Variants in PSD2 observed in about 807,000 individuals in gnomAD.
PSD2 encodes PH and SEC7 domain-containing protein 2.
A neutral mutation model predicts 69.8 loss-of-function variants in PSD2; 38 were observed. That is an observed-to-expected ratio of 0.54 (90% CI 0.42 to 0.71). The LOEUF is 0.71. Ranked by LOEUF, PSD2 falls within the 30% of genes least tolerant of loss-of-function variation. PSD2 has a pLI of 0.00. For synonymous variants in PSD2, 412 were observed against 423.0 expected, an observed-to-expected ratio of 0.97 and a Z score of 0.32; for missense variants, 943 against 1,014.5, an observed-to-expected ratio of 0.93 and a Z score of 0.96.
the PSD2 span, among the ~76,000 whole-genome samples, chr5:139,757,413 A>G: frequency 3.3e-5 from 5 of 152,182 alleles, no homozygotes; most frequent in African/African-American, 1.2e-4. Flanking sequence ...GAACGTAGCA[A>G]AGGGTGTTTT....
intron 7 of PSD2, among the ~76,000 whole-genome samples, chr5:139,824,586 T>C (rs1393966953): frequency 6.6e-6 from 1 of 152,000 alleles, no homozygotes; most frequent in African/African-American, 2.4e-5. Context: ...TTAGTAGAGA[T>C]GTCTCTCTCT....
chr5:139,825,286 G>A (rs998666005), intron 7 of PSD2, among the ~76,000 whole-genome samples: 7 of 152,232 alleles, frequency 4.6e-5, no homozygotes, highest in Admixed American at 2.0e-4. Context: ...CTAGGACCAC[G>A]CATTTCAGGC....
the PSD2 span, among the ~76,000 whole-genome samples, chr5:139,778,944 AC>A: frequency 1.5e-4 from 21 of 144,330 alleles, no homozygotes; most frequent in Middle Eastern, 6.9e-3. Context: ...AAGAAAAAAA[AC>A]AAAAAAAAAA....
rs1268434311 is a variant in PSD2, at chr5:139,839,253, G to A, written c.1968+481G>A. Among the ~76,000 whole-genome samples the A allele has an allele frequency of 1.3e-5, 2 of 152,254 alleles. No homozygotes were observed. Among genetic ancestry groups the A allele is most frequent in the Non-Finnish European group, 2.9e-5 (2 of 68,038 alleles). On this transcript the variant is annotated intron_variant, in intron 13 of 14. Coordinates refer to ENST00000274710, the MANE Select transcript of PSD2 (RefSeq NM_032289.4). This position sits in a 1 kb window ranked among gnomAD's most constrained non-coding sequence, Gnocchi z 5.1. The stretch of plus-strand genomic sequence containing the variant: ...AGGACAGGAGAAATGGTGGCCCGGA[G>A]CTTGAGAGGTAGAGGGCAGCGGAAG...
At chr5:139,750,792 G>A in the PSD2 span, among the ~76,000 whole-genome samples, 4 of 152,240 alleles carry the variant, frequency 2.6e-5, no homozygotes, top group African/African-American at 9.6e-5. Flanking sequence ...GAGGGAGGCT[G>A]AAGCCCATTC....
chr5:139,749,761 C>T, the PSD2 span, among the ~76,000 whole-genome samples: 3 of 152,004 alleles, frequency 2.0e-5, no homozygotes, highest in Non-Finnish European at 4.4e-5. Flanking sequence ...TTTGGGAGGC[C>T]GAGGTGGGCA....
At chr5:139,782,888 T>G in the PSD2 span, among the ~76,000 whole-genome samples, 1 of 152,192 alleles carries the variant, frequency 6.6e-6, no homozygotes, top group Non-Finnish European at 1.5e-5. Flanking sequence ...AAGTGTGCAA[T>G]TCAGTGATAT....
chr5:139,748,760 C>T, the PSD2 span, among the ~76,000 whole-genome samples: 1 of 152,246 alleles, frequency 6.6e-6, no homozygotes, highest in Non-Finnish European at 1.5e-5. Flanking sequence ...GTCTCGGCTC[C>T]GCGGCCACCG....
At chr5:139,748,200 C>A in the PSD2 span, among the ~76,000 whole-genome samples, 2 of 151,650 alleles carry the variant, frequency 1.3e-5, no homozygotes, top group African/African-American at 4.9e-5. Context: ...CCCCACCCCA[C>A]CTACCCAGCC....
chr5:139,789,508 G>A, the PSD2 span, among the ~76,000 whole-genome samples: 1 of 152,200 alleles, frequency 6.6e-6, no homozygotes, highest in Non-Finnish European at 1.5e-5. Flanking sequence ...AGCCTGGGAG[G>A]TCAAGGCTGT....
chr5:139,835,907 C>T (rs1259512813), intron 9 of PSD2, 141 bp downstream of exon 9: 20 of 772,494 alleles, frequency 2.6e-5, no homozygotes, highest in South Asian at 1.9e-4. Context: ...GTCTAGCTGG[C>T]GCACACCTGG....
rs1760810870 is a variant in PSD2, at chr5:139,839,135, C to T, written c.1968+363C>T. 6.6e-6 allele frequency among the ~76,000 whole-genome samples: 1 copy of T among 152,258 alleles called. No individual in the cohort carries two copies. The highest frequency in any genetic ancestry group is 6.5e-5 in the Admixed American group (1 of 15,288). On this transcript the variant is annotated intron_variant, in intron 13 of 14. Transcript: ENST00000274710. The surrounding 1 kb of genome is among the most constrained non-coding windows in gnomAD (Gnocchi z 5.1). Reference sequence around the variant, plus strand: ...CCTGGCTGACGCTTCATCCAGTGCTCTTTTGCTGCTCTCACCTATTCTTAA... The same window carrying T: ...CCTGGCTGACGCTTCATCCAGTGCTTTTTTGCTGCTCTCACCTATTCTTAA...
At chr5:139,753,945 T>C in the PSD2 span, among the ~76,000 whole-genome samples, 1 of 152,144 alleles carries the variant, frequency 6.6e-6, no homozygotes, top group Non-Finnish European at 1.5e-5. Context: ...CAAGCGATTC[T>C]CCTGCCTCAG....
At chr5:139,750,087 A>G in the PSD2 span, among the ~76,000 whole-genome samples, 1 of 151,494 alleles carries the variant, frequency 6.6e-6, no homozygotes, top group Non-Finnish European at 1.5e-5. Flanking sequence ...GCACTTTGGG[A>G]GGCCGAGGTG....
chr5:139,745,393 T>C, the PSD2 span: 1 of 152,518 alleles, frequency 6.6e-6, no homozygotes, highest in Non-Finnish European at 1.5e-5. Flanking sequence ...ACCACCACAT[T>C]TGCCCATTAA....
At chr5:139,807,449 T>A (rs780681264) in intron 1 of PSD2, among the ~76,000 whole-genome samples, 2 of 144,090 alleles carry the variant, frequency 1.4e-5, no homozygotes, top group Non-Finnish European at 3.0e-5. Flanking sequence ...AAATAGCAAC[T>A]ACAGCAGCAG....
chr5:139,755,745 T>G, the PSD2 span, among the ~76,000 whole-genome samples: 1 of 151,890 alleles, frequency 6.6e-6, no homozygotes, highest in African/African-American at 2.4e-5. Flanking sequence ...TGTGTCTCTG[T>G]GTGTGACTGT....
intron 1 of PSD2, among the ~76,000 whole-genome samples, chr5:139,796,948 C>T (rs1174751206): frequency 6.6e-6 from 1 of 152,088 alleles, no homozygotes; most frequent in Admixed American, 6.5e-5. Context: ...AGGTGGGCAG[C>T]CTGGGTTTGG....
the PSD2 span, among the ~76,000 whole-genome samples, chr5:139,777,613 G>A: frequency 6.6e-6 from 1 of 152,156 alleles, no homozygotes; most frequent in Admixed American, 6.5e-5. Context: ...CCTGGGTGCT[G>A]TGGCTCATGC....
Sources: gnomAD v4.1 joint callset for allele counts (sites outside exome capture counted in the v4.1 genomes callset) on GRCh38, gnomAD v4.1.1 for gene constraint, Gnocchi (gnomAD v3.1) non-coding constraint, MANE v1.5 for transcripts, NCBI Gene and HGNC (gene_info 2026-07-23, HGNC 2026-07-21) for gene names.